LRP6: variants seen among roughly 807,000 people sequenced by gnomAD.
LRP6 encodes the protein LDL receptor related protein 6.
In LRP6, 43 loss-of-function variants were observed where a neutral mutation model predicts 184.1. The ratio of observed to expected loss-of-function variants is 0.23; its 90% CI spans 0.18 to 0.30. The LOEUF (loss-of-function observed/expected upper bound fraction) is 0.30, where lower values mean the gene tolerates loss of function less well. LRP6 is among the 10% of genes least tolerant of loss of function. The probability of loss-of-function intolerance (pLI) is 1.00; values close to 1 mark genes in which losing one functional copy is unlikely to be tolerated. For synonymous variants in LRP6, 719 were observed against 684.9 expected (o/e 1.05, Z -0.78); for missense variants, 1,571 against 2,005.3 (o/e 0.78, Z 4.14).
chr12:12,207,247 A>C (rs1325119952), intron 2 of LRP6, among the ~76,000 whole-genome samples: 1 of 152,150 alleles, frequency 6.6e-6, no homozygotes, highest in Non-Finnish European at 1.5e-5. Flanking sequence ...GACTGGGCGC[A>C]GTGGCTCATG....
At chr12:12,164,860 C>T (rs1291975482) in intron 8 of LRP6, among the ~76,000 whole-genome samples, 3 of 132,514 alleles carry the variant, frequency 2.3e-5, no homozygotes, top group Non-Finnish European at 4.6e-5. Flanking sequence ...GTATTCAGCC[C>T]TTCAATTCAA....
chr12:12,217,564 A>C (rs1207843347), intron 2 of LRP6, among the ~76,000 whole-genome samples: 1 of 152,198 alleles, frequency 6.6e-6, no homozygotes, highest in Admixed American at 6.5e-5. Context: ...CAAAAAGGTA[A>C]GGGACCACTG....
At chr12:12,223,508 T>C (rs963745768) in intron 2 of LRP6, among the ~76,000 whole-genome samples, 112 of 152,310 alleles carry the variant, frequency 7.4e-4, no homozygotes, top group African/African-American at 2.4e-3. Context: ...AATACAATCT[T>C]TCATCTTGAG....
intron 1 of LRP6, among the ~76,000 whole-genome samples, chr12:12,263,025 G>A (rs1865658554): frequency 6.6e-6 from 1 of 151,310 alleles, no homozygotes; most frequent in South Asian, 2.1e-4. Context: ...AGGCCGAGAT[G>A]GGCAGATCAC....
chr12:12,266,416 A>G (rs1200044408), intron 1 of LRP6, among the ~76,000 whole-genome samples: 2 of 152,152 alleles, frequency 1.3e-5, no homozygotes, highest in Non-Finnish European at 2.9e-5. Context: ...TGGGGTGCCA[A>G]GGGTTCCCTA....
chr12:12,223,244 G>A (rs1385382245), intron 2 of LRP6, among the ~76,000 whole-genome samples: 1 of 150,278 alleles, frequency 6.7e-6, no homozygotes, highest in Admixed American at 6.6e-5. Context: ...TGCATGTGAT[G>A]GTCATTTATC....
chr12:12,192,689 T>C (rs1591932212), intron 3 of LRP6, among the ~76,000 whole-genome samples: 1 of 151,764 alleles, frequency 6.6e-6, no homozygotes. Flanking sequence ...CATCAGGAAG[T>C]TACAATTAGA....
intron 2 of LRP6, among the ~76,000 whole-genome samples, chr12:12,210,466 G>T (rs1320886060): frequency 6.6e-6 from 1 of 152,050 alleles, no homozygotes; most frequent in African/African-American, 2.4e-5. Context: ...TAGAATAACA[G>T]GAAAATCAGT....
intron 4 of LRP6, among the ~76,000 whole-genome samples, chr12:12,184,975 T>C (rs569294892): frequency 1.3e-5 from 2 of 151,984 alleles, no homozygotes; most frequent in South Asian, 4.2e-4. Flanking sequence ...TAGTAAAACA[T>C]AAAGGACCAA....
intron 2 of LRP6, among the ~76,000 whole-genome samples, chr12:12,235,414 G>C (rs1334712759): frequency 1.3e-5 from 2 of 152,104 alleles, no homozygotes; most frequent in African/African-American, 4.8e-5. Context: ...TGTCCACTGA[G>C]AGGTACTAAA....
intron 10 of LRP6, among the ~76,000 whole-genome samples, chr12:12,161,186 C>T (rs913790289): frequency 3.3e-5 from 5 of 152,340 alleles, no homozygotes; most frequent in Middle Eastern, 3.4e-3. Flanking sequence ...GAATTACTAG[C>T]TAATCATGGA....
At chr12:12,155,169 C>A in intron 12 of LRP6, 1 of 510,300 alleles carries the variant, frequency 2.0e-6, no homozygotes, top group Non-Finnish European at 3.7e-6. Flanking sequence ...TTACTCCAGC[C>A]TGGGTGACAG....
At chr12:12,167,822 TTTAA>T (rs1862928682) in intron 7 of LRP6, among the ~76,000 whole-genome samples, 1 of 152,224 alleles carries the variant, frequency 6.6e-6, no homozygotes, top group Non-Finnish European at 1.5e-5. Context: ...AATGATTGTA[TTTAA>T]TTATTTAATG....
chr12:12,186,796 A>T, intron 4 of LRP6, 127 bp downstream of exon 4: 1 of 878,142 alleles, frequency 1.1e-6, no homozygotes, highest in Non-Finnish European at 1.9e-6. Context: ...GTAGGATTTT[A>T]ACTCTTTTTT....
intron 7 of LRP6, among the ~76,000 whole-genome samples, chr12:12,171,292 G>A (rs540959529): frequency 1.7e-3 from 255 of 152,182 alleles, no homozygotes; most frequent in African/African-American, 5.8e-3. Flanking sequence ...CAAGGAGGGC[G>A]GATCACCAGG....
chr12:12,194,382 T>C (rs1022048503), intron 3 of LRP6, among the ~76,000 whole-genome samples: 1 of 152,074 alleles, frequency 6.6e-6, no homozygotes, highest in African/African-American at 2.4e-5. Flanking sequence ...AAAAACTTGA[T>C]CTGGGTGAAT....
rs61067494 is a variant in LRP6 at position 12,204,279 on chromosome 12, C to CAA, written c.450-881_450-880dup. Among the ~76,000 whole-genome samples, 765 of 96,186 alleles carry CAA rather than the reference C, an allele frequency of 8.0e-3. 9 individuals are homozygous for CAA. Among genetic ancestry groups the CAA allele is most frequent in the Middle Eastern group, 0.014 (2 of 140 alleles). The allele number at this position is 96,186 out of a possible 152,430, so 63.1% of individuals were successfully genotyped here. A position where few individuals can be genotyped will look rare whatever the true frequency, so the allele number is the denominator to read the frequency against. On this transcript the variant is annotated intron_variant, in intron 2 of 22. Transcript: ENST00000261349. ...TTGACAATATCAATGTCATAAAAGT[C>CAA]AAAAAAAAAAAAAAAAAAAGGAGGG...
At chr12:12,185,150 T>C (rs1863438283) in intron 4 of LRP6, among the ~76,000 whole-genome samples, 1 of 151,946 alleles carries the variant, frequency 6.6e-6, no homozygotes, top group Non-Finnish European at 1.5e-5. Context: ...AATACTAAAA[T>C]TAGCCAGGTG....
At chr12:12,250,712 T>G (rs1591987208) in intron 1 of LRP6, among the ~76,000 whole-genome samples, 2 of 151,970 alleles carry the variant, frequency 1.3e-5, no homozygotes, top group East Asian at 3.9e-4. Flanking sequence ...AACCTCCGAC[T>G]CCCTGGTTCA....
Sources: allele counts gnomAD v4.1 joint callset (sites outside exome capture counted in the v4.1 genomes callset), GRCh38; gene constraint gnomAD v4.1.1; transcripts MANE v1.5; gene names NCBI Gene and HGNC (gene_info 2026-07-23, HGNC 2026-07-21).